DRC11: variants seen among roughly 807,000 people sequenced by gnomAD.
DRC11 encodes the protein dynein regulatory complex subunit 11.
At chr2:236,345,994 G>T in the DRC11 span, among the ~76,000 whole-genome samples, 1 of 152,248 alleles carries the variant, frequency 6.6e-6, no homozygotes, top group African/African-American at 2.4e-5. Flanking sequence ...TTCAAAGGCA[G>T]AAGTGGGCAC....
At chr2:236,381,470 C>T in the DRC11 span, among the ~76,000 whole-genome samples, 6 of 149,284 alleles carry the variant, frequency 4.0e-5, no homozygotes, top group South Asian at 2.1e-4. This position sits in a 1 kb window ranked among gnomAD's most constrained non-coding sequence, Gnocchi z 5.8. Context: ...AGTACCCAAT[C>T]GCCTTTCGCA....
At chr2:236,505,772 T>C in the DRC11 span, among the ~76,000 whole-genome samples, 3 of 152,276 alleles carry the variant, frequency 2.0e-5, no homozygotes, top group Admixed American at 2.0e-4. Flanking sequence ...CTGGATCCCA[T>C]GTCCTCTCAC....
the DRC11 span, among the ~76,000 whole-genome samples, chr2:236,359,186 C>T: frequency 1.3e-5 from 2 of 151,918 alleles, no homozygotes; most frequent in African/African-American, 4.8e-5. This position sits in a 1 kb window ranked among gnomAD's most constrained non-coding sequence, Gnocchi z 4.3. Flanking sequence ...TTCTGCTTTC[C>T]TCCCCTAGTA....
chr2:236,395,530 G>T, the DRC11 span, among the ~76,000 whole-genome samples: 1 of 152,206 alleles, frequency 6.6e-6, no homozygotes, highest in Non-Finnish European at 1.5e-5. Context: ...AAGGCCCGGA[G>T]AGTTTACGAC....
chr2:236,471,632 C>G, the DRC11 span, among the ~76,000 whole-genome samples: 8 of 152,210 alleles, frequency 5.3e-5, no homozygotes, highest in Non-Finnish European at 1.2e-4. The surrounding 1 kb of genome is among the most constrained non-coding windows in gnomAD (Gnocchi z 4.6). Flanking sequence ...TAGTTTAAAT[C>G]CCTTACAGAC....
the DRC11 span, among the ~76,000 whole-genome samples, chr2:236,423,912 G>A: frequency 6.6e-6 from 1 of 152,072 alleles, no homozygotes; most frequent in Non-Finnish European, 1.5e-5. Flanking sequence ...GGACATGGAT[G>A]AAGCTGGAAA....
chr2:236,370,702 C>T, the DRC11 span, among the ~76,000 whole-genome samples: 3 of 151,712 alleles, frequency 2.0e-5, no homozygotes, highest in Admixed American at 1.3e-4. The surrounding 1 kb of genome is among the most constrained non-coding windows in gnomAD (Gnocchi z 5.5). Flanking sequence ...AAGGAACTTG[C>T]TATTTCTTGC....
At chr2:236,307,812 T>C in the DRC11 span, among the ~76,000 whole-genome samples, 3 of 152,244 alleles carry the variant, frequency 2.0e-5, no homozygotes, top group Non-Finnish European at 2.9e-5. The surrounding 1 kb of genome is among the most constrained non-coding windows in gnomAD (Gnocchi z 7.0). Flanking sequence ...TCCCTGACAA[T>C]AGCTTCCCTG....
the DRC11 span, among the ~76,000 whole-genome samples, chr2:236,464,309 T>C: frequency 2.6e-5 from 4 of 152,328 alleles, no homozygotes; most frequent in African/African-American, 9.6e-5. Flanking sequence ...CTAACCACAG[T>C]TGGCGTCAGA....
At chr2:236,363,479 G>A in the DRC11 span, among the ~76,000 whole-genome samples, 1 of 152,206 alleles carries the variant, frequency 6.6e-6, no homozygotes, top group African/African-American at 2.4e-5. This position sits in a 1 kb window ranked among gnomAD's most constrained non-coding sequence, Gnocchi z 5.6. Context: ...ATTACAGTGA[G>A]GTGGGCCGAG....
the DRC11 span, among the ~76,000 whole-genome samples, chr2:236,410,670 A>G: frequency 1.3e-5 from 2 of 150,406 alleles, no homozygotes; most frequent in African/African-American, 5.0e-5. Flanking sequence ...AGTAACCAAA[A>G]CAGCATGGTA....
At chr2:236,480,270 T>C in the DRC11 span, among the ~76,000 whole-genome samples, 1 of 152,116 alleles carries the variant, frequency 6.6e-6, no homozygotes, top group Admixed American at 6.5e-5. Flanking sequence ...TACTTGGATA[T>C]TTTTATCTTT....
chr2:236,461,831 T>G, the DRC11 span, among the ~76,000 whole-genome samples: 29 of 152,258 alleles, frequency 1.9e-4, no homozygotes, highest in Non-Finnish European at 3.5e-4. This position sits in a 1 kb window ranked among gnomAD's most constrained non-coding sequence, Gnocchi z 4.0. Context: ...TTCCTAATCA[T>G]TGTGCCAAAC....
the DRC11 span, chr2:236,409,018 C>T: frequency 1.5e-6 from 1 of 652,614 alleles, no homozygotes; most frequent in Non-Finnish European, 2.8e-6. Context: ...GTGCTGTGCA[C>T]TTCCGAGGCA....
At chr2:236,317,856 T>G in the DRC11 span, among the ~76,000 whole-genome samples, 1 of 152,204 alleles carries the variant, frequency 6.6e-6, no homozygotes, top group African/African-American at 2.4e-5. This position sits in a 1 kb window ranked among gnomAD's most constrained non-coding sequence, Gnocchi z 5.4. Context: ...CAAGAGGAAC[T>G]CAGAGCTAGA....
At chr2:236,441,441 T>A in the DRC11 span, among the ~76,000 whole-genome samples, 1 of 152,096 alleles carries the variant, frequency 6.6e-6, no homozygotes, top group African/African-American at 2.4e-5. Context: ...CACAAATAAT[T>A]TCTTCCTGTT....
At chr2:236,309,151 C>T in the DRC11 span, among the ~76,000 whole-genome samples, 20 of 152,132 alleles carry the variant, frequency 1.3e-4, no homozygotes, top group Non-Finnish European at 2.4e-4. This position sits in a 1 kb window ranked among gnomAD's most constrained non-coding sequence, Gnocchi z 5.7. Context: ...CATAAGCAGC[C>T]GCACAGTGGC....
the DRC11 span, among the ~76,000 whole-genome samples, chr2:236,361,314 G>A: frequency 6.6e-6 from 1 of 152,132 alleles, no homozygotes; most frequent in Non-Finnish European, 1.5e-5. The surrounding 1 kb of genome is among the most constrained non-coding windows in gnomAD (Gnocchi z 5.7). Flanking sequence ...AAATGCTAAA[G>A]GAAGTTCTTC....
At chr2:236,310,111 G>A in the DRC11 span, among the ~76,000 whole-genome samples, 6 of 152,302 alleles carry the variant, frequency 3.9e-5, no homozygotes, top group East Asian at 1.2e-3. The surrounding 1 kb of genome is among the most constrained non-coding windows in gnomAD (Gnocchi z 5.5). Context: ...CAAGGTCACT[G>A]CTAAGCCTAG....
Sources: gnomAD v4.1 joint callset for allele counts (sites outside exome capture counted in the v4.1 genomes callset) on GRCh38, gnomAD v4.1.1 for gene constraint, Gnocchi (gnomAD v3.1) non-coding constraint, MANE v1.5 for transcripts, NCBI Gene and HGNC (gene_info 2026-07-23, HGNC 2026-07-21) for gene names.